Variants in LGR6 observed in about 807,000 individuals in gnomAD.
The protein encoded by LGR6 is leucine-rich repeat-containing G protein-coupled receptor 6.
LGR6 carries 45 observed loss-of-function variants against 69.4 expected under a neutral mutation model. The ratio of observed to expected loss-of-function variants is 0.65; its 90% CI spans 0.51 to 0.83. LGR6 has a LOEUF of 0.83. Among genes scored for constraint, LGR6 ranks in the 40% least tolerant of loss-of-function variants. LGR6 has a pLI of 0.00. For synonymous variants in LGR6, 538 were observed against 555.0 expected, an observed-to-expected ratio of 0.97 and a Z score of 0.43; for missense variants, 1,108 against 1,246.7, an observed-to-expected ratio of 0.89 and a Z score of 1.68.
At chr1:202,290,587 G>A (rs1179275570) in intron 6 of LGR6, among the ~76,000 whole-genome samples, 1 of 152,134 alleles carries the variant, frequency 6.6e-6, no homozygotes, top group African/African-American at 2.4e-5. Context: ...ATAAAAAAAA[G>A]GGGGGCCAGG....
At chr1:202,279,223 C>T (rs575805092) in intron 5 of LGR6, among the ~76,000 whole-genome samples, 3 of 152,302 alleles carry the variant, frequency 2.0e-5, no homozygotes, top group Non-Finnish European at 4.4e-5. Context: ...AAGGGGAGAT[C>T]ACTCCCAGAA....
rs751004432 is a variant in LGR6, at chr1:202,317,938, G to C, written c.1649-14G>C. 1.3e-6 allele frequency: 2 copies of C among 1,587,258 alleles called. No homozygotes were observed. Among genetic ancestry groups the C allele is most frequent in the Non-Finnish European group, 1.7e-6 (2 of 1,164,970 alleles). On this transcript the variant is annotated splice_polypyrimidine_tract_variant and intron_variant, in intron 17 of 17. Transcript: ENST00000367278. The stretch of plus-strand genomic sequence containing the variant: ...ATCCTCTGGCCCAGGGTTAATGTCT[G>C]ATCTCTCCTACAGGCCCCTTCAAGC...
chr1:202,297,400 G>C, intron 6 of LGR6, 108 bp from the exon 7 acceptor site: 1 of 832,894 alleles, frequency 1.2e-6, no homozygotes, highest in Non-Finnish European at 2.0e-6. Context: ...CAACAGATTG[G>C]AAAACCCATC....
Position 202,305,666 on chromosome 1 carries a change from C to T in LGR6, c.1071-18C>T. On this transcript the variant is annotated intron_variant, in intron 11 of 17. Transcript: ENST00000367278. ...AGCCACCATTTCACCCCAGCCCTGG[C>T]CTTTCTCTTTTCCCCAGGGAACTGT... is the stretch of plus-strand genomic sequence containing the variant. The T allele has an allele frequency of 6.2e-7, 1 of 1,611,900 alleles. No individual in the cohort carries two copies. The highest frequency in any genetic ancestry group is 8.5e-7 in the Non-Finnish European group (1 of 1,178,744).
intron 1 of LGR6, chr1:202,197,405 C>T (rs1422659038): frequency 3.7e-6 from 2 of 533,418 alleles, no homozygotes; most frequent in East Asian, 5.4e-5. Context: ...TCACAATCCT[C>T]CATATGTCTC....
chr1:202,245,082 C>G (rs1156694268), intron 4 of LGR6, among the ~76,000 whole-genome samples: 1 of 152,212 alleles, frequency 6.6e-6, no homozygotes, highest in Non-Finnish European at 1.5e-5. Flanking sequence ...CTAGTGAACC[C>G]TGTTGGCACC....
At chr1:202,236,080 C>A in intron 4 of LGR6, 87 bp downstream of exon 4, 1 of 1,103,584 alleles carries the variant, frequency 9.1e-7, no homozygotes, top group Non-Finnish European at 1.4e-6. Flanking sequence ...GCTTTCCCTT[C>A]CCTCTGCAGG....
rs541200546 is a variant in LGR6 at position 202,216,601 on chromosome 1, T to C, written c.213-8822T>C. Among the ~76,000 whole-genome samples the C allele has an allele frequency of 5.3e-5, 8 of 152,236 alleles. No homozygotes were observed. In the South Asian group the frequency reaches 1.5e-3, roughly 28 times the overall value. On this transcript the variant is annotated intron_variant, in intron 1 of 17. Coordinates refer to ENST00000367278, the MANE Select transcript of LGR6 (RefSeq NM_001017403.2). ...GGCTAGTGGCCACTGCGCTGGACAG[T>C]GTAGGTCTTGCGTTGTCTCTCAGAG...
At chr1:202,270,311 C>T (rs970745017) in intron 4 of LGR6, among the ~76,000 whole-genome samples, 1 of 151,752 alleles carries the variant, frequency 6.6e-6, no homozygotes, top group Non-Finnish European at 1.5e-5. Context: ...GGCGCGATCT[C>T]GGCTCACTGC....
chr1:202,218,450 C>T (rs994743984), intron 1 of LGR6, among the ~76,000 whole-genome samples: 4 of 152,138 alleles, frequency 2.6e-5, no homozygotes, highest in African/African-American at 9.7e-5. Context: ...AGGTGTGTGC[C>T]ACCGGGTCTG....
intron 4 of LGR6, among the ~76,000 whole-genome samples, chr1:202,264,504 C>T (rs1343255209): frequency 2.6e-5 from 4 of 152,290 alleles, no homozygotes; most frequent in African/African-American, 2.4e-5. Context: ...CCACAGGACC[C>T]GGCTCCCAAG....
At chr1:202,254,609 C>G (rs1283234257) in intron 4 of LGR6, among the ~76,000 whole-genome samples, 1 of 152,150 alleles carries the variant, frequency 6.6e-6, no homozygotes. Flanking sequence ...GAGTTTGTTA[C>G]CAAATAAGGG....
intron 3 of LGR6, among the ~76,000 whole-genome samples, chr1:202,231,082 G>A (rs547512188): frequency 2.6e-5 from 4 of 152,146 alleles, no homozygotes; most frequent in Admixed American, 6.5e-5. Flanking sequence ...CCTGAGCTGC[G>A]GCCCATCCCA....
chr1:202,295,773 C>T (rs900309869), intron 6 of LGR6, among the ~76,000 whole-genome samples: 1 of 152,192 alleles, frequency 6.6e-6, no homozygotes, highest in Non-Finnish European at 1.5e-5. Flanking sequence ...AGGTATCTGA[C>T]TCACTAGAGA....
intron 8 of LGR6, 100 bp from the exon 9 acceptor site, chr1:202,301,064 C>G: frequency 1.5e-6 from 2 of 1,368,434 alleles, no homozygotes; most frequent in South Asian, 1.2e-5. Context: ...CATGTTCTTT[C>G]CTGGGTCTAC....
At chr1:202,255,720 T>C (rs1663713168) in intron 4 of LGR6, among the ~76,000 whole-genome samples, 1 of 152,256 alleles carries the variant, frequency 6.6e-6, no homozygotes, top group Non-Finnish European at 1.5e-5. Flanking sequence ...CTTGTTAACA[T>C]TTCTGTGTAT....
Position 202,306,994 on chromosome 1 carries a change from A to G in LGR6, c.1208+55A>G, listed in dbSNP as rs1653276255. ...GGAGGAGCCACCGTGTCCCTCTGCT[A>G]GGCATGCTCATTGTCATAGCACATG... On this transcript the variant is annotated intron_variant, in intron 13 of 17. Coordinates refer to ENST00000367278, the MANE Select transcript of LGR6 (RefSeq NM_001017403.2). 5 of 1,444,608 alleles carry G rather than the reference A, an allele frequency of 3.5e-6. No homozygotes were observed. In the Admixed American group the frequency reaches 6.7e-5, roughly 19 times the overall value. 89.5% of individuals were successfully genotyped at this position (1,444,608 alleles called of 1,614,324 possible). A position where few individuals can be genotyped will look rare whatever the true frequency, so the allele number is the denominator to read the frequency against.
chr1:202,258,738 C>T (rs1342496248), intron 4 of LGR6, among the ~76,000 whole-genome samples: 1 of 151,940 alleles, frequency 6.6e-6, no homozygotes, highest in African/African-American at 2.4e-5. Flanking sequence ...CATTGATTCT[C>T]TTGGAATTTA....
At chr1:202,235,189 G>T (rs770498206) in intron 3 of LGR6, among the ~76,000 whole-genome samples, 4 of 152,146 alleles carry the variant, frequency 2.6e-5, no homozygotes, top group Non-Finnish European at 5.9e-5. Context: ...CCTTGTACAT[G>T]CTCTCTGACC....
Sources: gnomAD v4.1 joint callset for allele counts (sites outside exome capture counted in the v4.1 genomes callset) on GRCh38, gnomAD v4.1.1 for gene constraint, MANE v1.5 for transcripts, NCBI Gene and HGNC (gene_info 2026-07-23, HGNC 2026-07-21) for gene names.